GALNT14: variants seen among roughly 807,000 people sequenced by gnomAD.
GALNT14 encodes the protein UDP-GalNAc:polypeptide N-acetylgalactosaminyltransferase 14.
GALNT14 carries 60 observed loss-of-function variants against 77.5 expected under a neutral mutation model. The observed-to-expected ratio is 0.77, with a 90% CI of 0.63 to 0.96. The LOEUF (loss-of-function observed/expected upper bound fraction) is 0.96, where lower values mean the gene tolerates loss of function less well. Ranked by LOEUF, GALNT14 falls within the 40% of genes least tolerant of loss-of-function variation. GALNT14 has a pLI of 0.00. For synonymous variants in GALNT14, 280 were observed against 281.7 expected (o/e 0.99, Z 0.06); for missense variants, 710 against 731.0 (o/e 0.97, Z 0.33).
chr2:30,929,269 C>T, intron 11 of GALNT14, 126 bp downstream of exon 11: 1 of 639,786 alleles, frequency 1.6e-6, no homozygotes, highest in South Asian at 2.0e-5. Flanking sequence ...AAAGAAGCCA[C>T]AGCCTTGGGC....
chr2:31,116,802 T>C (rs896924395), intron 1 of GALNT14, among the ~76,000 whole-genome samples: 52 of 152,180 alleles, frequency 3.4e-4, no homozygotes, highest in Admixed American at 3.4e-3. Context: ...TCCAGCACTT[T>C]GGGAGGCCGA....
intron 1 of GALNT14, among the ~76,000 whole-genome samples, chr2:31,079,437 C>G (rs1039199472): frequency 2.0e-5 from 3 of 152,176 alleles, no homozygotes; most frequent in Non-Finnish European, 4.4e-5. Flanking sequence ...CTCGGACTGT[C>G]CTGAGAAACT....
intron 1 of GALNT14, among the ~76,000 whole-genome samples, chr2:31,133,404 T>C (rs1368811311): frequency 1.3e-5 from 2 of 152,186 alleles, no homozygotes; most frequent in Non-Finnish European, 2.9e-5. Flanking sequence ...AGGAATAAAA[T>C]AACAGTGTCA....
At chr2:31,052,317 C>G (rs1416168594) in intron 1 of GALNT14, among the ~76,000 whole-genome samples, 1 of 152,156 alleles carries the variant, frequency 6.6e-6, no homozygotes, top group African/African-American at 2.4e-5. Context: ...AAGCACAGAA[C>G]CTTCACCTGG....
chr2:31,109,149 C>T (rs931082446), intron 1 of GALNT14, among the ~76,000 whole-genome samples: 4 of 152,142 alleles, frequency 2.6e-5, no homozygotes, highest in African/African-American at 9.7e-5. Context: ...GCCACTTCAC[C>T]CAGGCCTGGA....
chr2:31,025,975 A>G (rs1447506228), intron 1 of GALNT14, among the ~76,000 whole-genome samples: 1 of 152,148 alleles, frequency 6.6e-6, no homozygotes, highest in East Asian at 1.9e-4. Context: ...ATGAAGAGTA[A>G]CCTGCTTGAT....
At chr2:30,925,583 G>A (rs1043273984) in intron 11 of GALNT14, among the ~76,000 whole-genome samples, 1 of 152,218 alleles carries the variant, frequency 6.6e-6, no homozygotes, top group African/African-American at 2.4e-5. Flanking sequence ...ATGAGGACAT[G>A]TGAAGACATG....
intron 1 of GALNT14, among the ~76,000 whole-genome samples, chr2:31,100,533 CTT>C (rs948188976): frequency 2.6e-5 from 4 of 151,944 alleles, no homozygotes; most frequent in Non-Finnish European, 4.4e-5. Flanking sequence ...TCTTCCCTCT[CTT>C]TTTTACTGTT....
chr2:30,905,821 G>T (rs1332438367), downstream of GALNT14, among the ~76,000 whole-genome samples: 1 of 150,902 alleles, frequency 6.6e-6, no homozygotes, highest in Admixed American at 6.6e-5. Flanking sequence ...GAAAGGTCGG[G>T]TTACCCTCAA....
rs548898696 is a variant in GALNT14, at chr2:31,062,351, G to C, written c.130-69344C>G. Among the ~76,000 whole-genome samples, 4 of 152,198 alleles carry C rather than the reference G, an allele frequency of 2.6e-5. No individual in the cohort carries two copies. In the East Asian group the frequency reaches 5.8e-4, roughly 22 times the overall value. ...TTCCTGTTAGTTTACTGAGAATGATGGTTTCCAGCTTCATCAATGTTCTTA... is the reference window on the plus strand; with the variant it reads ...TTCCTGTTAGTTTACTGAGAATGATCGTTTCCAGCTTCATCAATGTTCTTA... On this transcript the variant is annotated intron_variant, in intron 1 of 14. Transcript: ENST00000349752.
At chr2:30,980,089 G>A (rs953772477) in intron 2 of GALNT14, among the ~76,000 whole-genome samples, 1 of 152,132 alleles carries the variant, frequency 6.6e-6, no homozygotes, top group Non-Finnish European at 1.5e-5. Context: ...CAAGGCCGAG[G>A]CCCAGAGCTC....
intron 1 of GALNT14, among the ~76,000 whole-genome samples, chr2:31,068,107 G>C (rs1675099668): frequency 6.6e-6 from 1 of 152,136 alleles, no homozygotes; most frequent in South Asian, 2.1e-4. Context: ...CCCAAAACTG[G>C]AAACTCTGGT....
chr2:31,039,736 A>G (rs1431120644), intron 1 of GALNT14, among the ~76,000 whole-genome samples: 1 of 152,160 alleles, frequency 6.6e-6, no homozygotes, highest in East Asian at 1.9e-4. Context: ...GGTAACTTAA[A>G]AGAACGTGCA....
rs764961383 is a variant in GALNT14, at chr2:30,932,126, C to T, written c.1000G>A (p.Val334Ile). The T allele has an allele frequency of 3.2e-5, 51 of 1,573,704 alleles. No individual in the cohort carries two copies. Among genetic ancestry groups the T allele is most frequent in the South Asian group, 1.0e-4 (9 of 85,778 alleles). Reference sequence around the variant, plus strand: ...ACGTAGGGGTGCTTCTTCCGGAAGACGTGCCCCACTCGGCTGCAGGGGACG... The same window carrying T: ...ACGTAGGGGTGCTTCTTCCGGAAGATGTGCCCCACTCGGCTGCAGGGGACG... ...EIVPCSRVGH[V>I]FRKKHPYVFP... is the part of the protein sequence containing the mutation. The change falls in exon 10 of 15, where the codon GTC becomes ATC. Residue 334 changes from valine to isoleucine, a missense_variant. Val to Ile is a conservative substitution (Grantham distance 29). Coordinates refer to ENST00000349752, the MANE Select transcript of GALNT14 (RefSeq NM_024572.4).
At chr2:31,022,044 T>C (rs988020499) in intron 1 of GALNT14, among the ~76,000 whole-genome samples, 2 of 152,244 alleles carry the variant, frequency 1.3e-5, no homozygotes, top group Non-Finnish European at 2.9e-5. Flanking sequence ...ATTAGATAGA[T>C]AGAAGAAAGA....
intron 1 of GALNT14, among the ~76,000 whole-genome samples, chr2:31,054,709 C>T (rs576256190): frequency 6.6e-6 from 1 of 152,308 alleles, no homozygotes; most frequent in East Asian, 1.9e-4. Flanking sequence ...TTTGCTTATC[C>T]TTGATAAAGT....
At chr2:30,945,704 C>G in intron 7 of GALNT14, 79 bp downstream of exon 7, 1 of 1,183,212 alleles carries the variant, frequency 8.5e-7, no homozygotes. Flanking sequence ...AGAGCTTTTC[C>G]TTCACTCTCC....
chr2:30,939,009 C>T (rs1558423085), intron 9 of GALNT14, among the ~76,000 whole-genome samples: 1 of 152,202 alleles, frequency 6.6e-6, no homozygotes, highest in Admixed American at 6.5e-5. Context: ...AATGGAGCCT[C>T]ATATATATTG....
chr2:31,008,286 G>A (rs552392806), intron 1 of GALNT14, among the ~76,000 whole-genome samples: 1 of 152,168 alleles, frequency 6.6e-6, no homozygotes, highest in South Asian at 2.1e-4. Flanking sequence ...TTGTAGAGGT[G>A]AGGTCTCACT....
Sources: allele counts gnomAD v4.1 joint callset (sites outside exome capture counted in the v4.1 genomes callset), GRCh38; gene constraint gnomAD v4.1.1; transcripts MANE v1.5; gene names NCBI Gene and HGNC (gene_info 2026-07-23, HGNC 2026-07-21).